Variants in BDP1 observed in about 807,000 individuals in gnomAD.
The protein encoded by BDP1 is transcription factor TFIIIB component B'' homolog.
A neutral mutation model predicts 266.6 loss-of-function variants in BDP1; 169 were observed. The observed-to-expected ratio is 0.63, with a 90% CI of 0.56 to 0.72. The LOEUF (loss-of-function observed/expected upper bound fraction) is 0.72, where lower values mean the gene tolerates loss of function less well. Among genes scored for constraint, BDP1 ranks in the 30% least tolerant of loss-of-function variants. The pLI, the probability that BDP1 is intolerant of heterozygous loss-of-function variation, is 0.00. For missense variants in BDP1, 3,015 were observed against 3,053.8 expected, an observed-to-expected ratio of 0.99 and a Z score of 0.30; for synonymous variants, 1,090 against 1,022.4, an observed-to-expected ratio of 1.07 and a Z score of -1.26.
Position 71,458,777 on chromosome 5 carries a change from G to A in BDP1, c.411G>A (p.Gln137=). 1 of 1,614,058 alleles carries A rather than the reference G, an allele frequency of 6.2e-7. No homozygotes were observed. The highest frequency in any genetic ancestry group is 1.1e-5 in the South Asian group (1 of 91,088). The part of the protein sequence containing the change: ...QPTATSTKEK[Q]PCSDRYRIYK... ...CTGCCACTTCAACAAAAGAGAAACAGCCATGCTCAGACAGATACCGAATAT... is the reference window on the plus strand; with the variant it reads ...CTGCCACTTCAACAAAAGAGAAACAACCATGCTCAGACAGATACCGAATAT... Residue 137 remains glutamine (Q), a synonymous_variant, in exon 2 of 39, where the codon CAG becomes CAA. Transcript: ENST00000358731.
At chr5:71,543,330 G>A (rs1371941030) in intron 30 of BDP1, among the ~76,000 whole-genome samples, 1 of 152,170 alleles carries the variant, frequency 6.6e-6, no homozygotes, top group East Asian at 1.9e-4. Flanking sequence ...CGGTGGTGGT[G>A]CACACCTGAA....
chr5:71,469,178 A>T (rs1460114968), intron 6 of BDP1, among the ~76,000 whole-genome samples: 3 of 150,794 alleles, frequency 2.0e-5, no homozygotes, highest in African/African-American at 7.3e-5. Context: ...TCACTCTGTC[A>T]CCCAGGCTGG....
intron 7 of BDP1, among the ~76,000 whole-genome samples, chr5:71,473,018 G>A (rs1169845883): frequency 1.3e-5 from 2 of 150,298 alleles, no homozygotes; most frequent in Non-Finnish European, 3.0e-5. Flanking sequence ...GAGTAGTTGG[G>A]ACTACGGGCA....
chr5:71,505,655 C>T (rs190778778), intron 16 of BDP1, among the ~76,000 whole-genome samples: 1 of 152,286 alleles, frequency 6.6e-6, no homozygotes, highest in East Asian at 1.9e-4. Flanking sequence ...CCAGTCTTTA[C>T]GTTTAAAGGC....
chr5:71,500,316 C>CTTTTTTTTTTTTTTTTT (rs58201517), intron 13 of BDP1, among the ~76,000 whole-genome samples: 1 of 73,116 alleles, frequency 1.4e-5, no homozygotes, highest in African/African-American at 6.8e-5. Flanking sequence ...AATCTTGTTT[C>CTTTTTTTTTTTTTTTTT]TTTTTTTTTT....
intron 37 of BDP1, among the ~76,000 whole-genome samples, chr5:71,561,150 C>G (rs1244043780): frequency 6.7e-6 from 1 of 150,298 alleles, no homozygotes; most frequent in East Asian, 2.0e-4. Flanking sequence ...GCCTGTAATC[C>G]CAGCACTTTG....
At chr5:71,573,706 C>T in the BDP1 span, among the ~76,000 whole-genome samples, 1 of 152,246 alleles carries the variant, frequency 6.6e-6, no homozygotes, top group East Asian at 1.9e-4. Flanking sequence ...TTGCTGGACC[C>T]GGAGACATTA....
downstream of BDP1, among the ~76,000 whole-genome samples, chr5:71,569,691 G>A (rs1225033481): frequency 1.3e-5 from 2 of 152,140 alleles, no homozygotes; most frequent in African/African-American, 2.4e-5. Context: ...GTTGCAGTAC[G>A]CTGATATTGT....
chr5:71,552,475 G>C (rs1422858220), intron 34 of BDP1, among the ~76,000 whole-genome samples: 2 of 152,260 alleles, frequency 1.3e-5, no homozygotes, highest in African/African-American at 4.8e-5. Context: ...AGGCGGCTGG[G>C]AGGTGGAGGC....
intron 33 of BDP1, among the ~76,000 whole-genome samples, chr5:71,549,026 G>A (rs967363323): frequency 2.6e-5 from 4 of 152,064 alleles, no homozygotes; most frequent in African/African-American, 9.7e-5. Flanking sequence ...ATCACTTGAG[G>A]CCAGGAGTTC....
intron 8 of BDP1, among the ~76,000 whole-genome samples, chr5:71,485,228 TC>T (rs1478133587): frequency 1.3e-5 from 2 of 152,160 alleles, no homozygotes; most frequent in Non-Finnish European, 2.9e-5. Context: ...GGCAGGAGGA[TC>T]TTTTCAGCCG....
intron 7 of BDP1, among the ~76,000 whole-genome samples, chr5:71,477,011 C>CTT (rs113425679): frequency 2.1e-5 from 3 of 145,114 alleles, no homozygotes; most frequent in African/African-American, 2.5e-5. Context: ...GCCCCCCCAC[C>CTT]TTTTTTTTTT....
intron 37 of BDP1, among the ~76,000 whole-genome samples, chr5:71,561,249 A>G (rs567180252): frequency 6.6e-6 from 1 of 152,216 alleles, no homozygotes; most frequent in Non-Finnish European, 1.5e-5. Context: ...TAAAAATATA[A>G]AATTAGCTGG....
intron 35 of BDP1, among the ~76,000 whole-genome samples, chr5:71,554,245 T>C (rs1349397090): frequency 6.6e-6 from 1 of 152,242 alleles, no homozygotes; most frequent in Non-Finnish European, 1.5e-5. Context: ...TTTCATATGC[T>C]TAAGAGCCAT....
the BDP1 span, among the ~76,000 whole-genome samples, chr5:71,573,152 C>T: frequency 6.6e-6 from 1 of 151,166 alleles, no homozygotes; most frequent in Non-Finnish European, 1.5e-5. Flanking sequence ...TGCTTGAACC[C>T]GGGAGGCAGA....
intron 16 of BDP1, among the ~76,000 whole-genome samples, chr5:71,506,758 T>TTTTATA (rs1554117505): frequency 2.2e-5 from 3 of 135,854 alleles, no homozygotes; most frequent in African/African-American, 8.4e-5. Context: ...GTTTGGAGGT[T>TTTTATA]TATATATATA....
intron 11 of BDP1, among the ~76,000 whole-genome samples, chr5:71,492,602 T>C (rs990984502): frequency 6.6e-6 from 1 of 152,182 alleles, no homozygotes; most frequent in Admixed American, 6.5e-5. Context: ...TTTTTTGCTA[T>C]TGAGTTTTGA....
At chr5:71,466,266 A>G in intron 5 of BDP1, 45 bp downstream of exon 5, 4 of 1,608,504 alleles carry the variant, frequency 2.5e-6, no homozygotes, top group Non-Finnish European at 3.4e-6. Context: ...ACATGAGAAC[A>G]AACATGCTTT....
intron 2 of BDP1, 24 bp from the exon 3 acceptor site, chr5:71,461,793 G>A: frequency 1.6e-6 from 2 of 1,264,560 alleles, no homozygotes; most frequent in Non-Finnish European, 2.3e-6. Flanking sequence ...TTATAAAAGT[G>A]GATCTGTGTG....
Sources: gnomAD v4.1 joint callset for allele counts (sites outside exome capture counted in the v4.1 genomes callset) on GRCh38, gnomAD v4.1.1 for gene constraint, MANE v1.5 for transcripts, NCBI Gene and HGNC (gene_info 2026-07-23, HGNC 2026-07-21) for gene names.